The following SPART variants were observed in gnomAD, a reference collection of about 807,000 sequenced individuals.
SPART encodes the protein spartin.
Under a neutral mutation model 58.7 loss-of-function variants are expected in SPART, and 35 were observed. The ratio of observed to expected loss-of-function variants is 0.60; its 90% CI spans 0.46 to 0.79. The LOEUF is 0.79. Ranked by LOEUF, SPART falls within the 30% of genes least tolerant of loss-of-function variation. The probability of loss-of-function intolerance (pLI) is 0.00; values close to 1 mark genes in which losing one functional copy is unlikely to be tolerated. For missense variants in SPART, 730 were observed against 786.1 expected (o/e 0.93, Z 0.85); for synonymous variants, 284 against 280.7 (o/e 1.01, Z -0.12).
intron 4 of SPART, 46 bp from the exon 5 acceptor site, chr13:36,326,744 G>A (rs560368958): frequency 6.2e-7 from 1 of 1,601,730 alleles, no homozygotes; most frequent in South Asian, 1.1e-5. Flanking sequence ...AGTACTAAGA[G>A]GGGGAAAACT....
chr13:36,333,593 C>T (rs762732547), intron 2 of SPART, among the ~76,000 whole-genome samples: 1 of 151,948 alleles, frequency 6.6e-6, no homozygotes, highest in Non-Finnish European at 1.5e-5. Context: ...ACAAAAAATA[C>T]ACATGAGAAA....
intron 1 of SPART, among the ~76,000 whole-genome samples, chr13:36,342,868 T>C (rs1884710320): frequency 6.6e-6 from 1 of 152,220 alleles, no homozygotes; most frequent in African/African-American, 2.4e-5. Flanking sequence ...ATGCCCATTG[T>C]CCAGTTATCA....
chr13:36,357,630 A>T (rs2137709482), intron 1 of SPART, among the ~76,000 whole-genome samples: 1 of 152,360 alleles, frequency 6.6e-6, no homozygotes. Context: ...GTTAAGAATT[A>T]TGCATTATTA....
At chr13:36,361,166 A>C (rs1015865949) in intron 1 of SPART, among the ~76,000 whole-genome samples, 1 of 152,166 alleles carries the variant, frequency 6.6e-6, no homozygotes. Flanking sequence ...TTTTATTGCA[A>C]TCTTCTGAAA....
rs759611560 is a variant in SPART at position 36,304,608 on chromosome 13, A to G, written c.1758T>C (p.Ala586=). 2.5e-6 allele frequency: 4 copies of G among 1,614,040 alleles called. No homozygotes were observed. Among genetic ancestry groups the G allele is most frequent in the Middle Eastern group, 1.7e-4 (1 of 6,058 alleles). Residue 586 remains alanine, a synonymous_variant, in exon 9 of 9, where the codon GCT becomes GCC. Transcript: ENST00000438666. ...RYKYGYNAGE[A]THHAVDSAVN... ...CCGCAGAATCCACCGCATGGTGGGT[A>G]GCTTCTCCTGCATTATATCCGTATC...
intron 1 of SPART, among the ~76,000 whole-genome samples, chr13:36,359,389 A>G (rs1885749986): frequency 6.6e-6 from 1 of 152,192 alleles, no homozygotes; most frequent in African/African-American, 2.4e-5. Context: ...CCAAGAGGTA[A>G]TATACTTTGG....
chr13:36,339,257 T>A (rs916674742), intron 1 of SPART, among the ~76,000 whole-genome samples: 2 of 151,770 alleles, frequency 1.3e-5, no homozygotes, highest in African/African-American at 4.8e-5. Flanking sequence ...TCAAGAAGGA[T>A]GAGGTCATAC....
At chr13:36,348,421 T>C (rs1885279036), upstream of SPART, among the ~76,000 whole-genome samples, 1 of 152,260 alleles carries the variant, frequency 6.6e-6, no homozygotes, top group East Asian at 1.9e-4. Context: ...GTTTAAAACA[T>C]GTAGAATTTC....
At chr13:36,354,121 T>C (rs1885527458) in intron 1 of SPART, among the ~76,000 whole-genome samples, 1 of 152,226 alleles carries the variant, frequency 6.6e-6, no homozygotes, top group Non-Finnish European at 1.5e-5. Context: ...AGAAAACCTA[T>C]GTCATGTTTT....
chr13:36,348,745 C>T (rs1186637060), upstream of SPART, among the ~76,000 whole-genome samples: 1 of 152,182 alleles, frequency 6.6e-6, no homozygotes, highest in Non-Finnish European at 1.5e-5. Context: ...TGAAAGACTT[C>T]ATATTGGGAA....
intron 1 of SPART, among the ~76,000 whole-genome samples, chr13:36,356,891 A>G (rs979113304): frequency 1.3e-5 from 2 of 151,520 alleles, no homozygotes; most frequent in African/African-American, 4.8e-5. Flanking sequence ...AAAATATTTC[A>G]TATGTTATTC....
intron 1 of SPART, among the ~76,000 whole-genome samples, chr13:36,355,967 C>A (rs1464800184): frequency 6.6e-6 from 1 of 152,172 alleles, no homozygotes; most frequent in African/African-American, 2.4e-5. Flanking sequence ...AGAGAATATA[C>A]ACAAATCCTT....
chr13:36,317,483 G>A (rs540195332), intron 5 of SPART, among the ~76,000 whole-genome samples: 49 of 146,352 alleles, frequency 3.3e-4, no homozygotes, highest in Admixed American at 5.5e-4. Flanking sequence ...TTAACTCTGC[G>A]CCCCAATCCT....
At chr13:36,328,459 T>C (rs1883163658) in intron 4 of SPART, among the ~76,000 whole-genome samples, 1 of 152,184 alleles carries the variant, frequency 6.6e-6, no homozygotes, top group Non-Finnish European at 1.5e-5. Flanking sequence ...TTAGTTATAA[T>C]GTCCTGTAGG....
intron 4 of SPART, among the ~76,000 whole-genome samples, chr13:36,327,902 G>T (rs770041468): frequency 2.0e-5 from 3 of 152,278 alleles, no homozygotes. Context: ...GTTGAGACAC[G>T]AGAATTGCTT....
intron 4 of SPART, among the ~76,000 whole-genome samples, chr13:36,328,394 C>T (rs1419237802): frequency 6.6e-6 from 1 of 152,158 alleles, no homozygotes; most frequent in Non-Finnish European, 1.5e-5. Flanking sequence ...TGCCTAGAAT[C>T]CCCTTAAATT....
At chr13:36,310,251 C>T (rs995708002) in intron 8 of SPART, among the ~76,000 whole-genome samples, 4 of 152,090 alleles carry the variant, frequency 2.6e-5, no homozygotes, top group Admixed American at 6.5e-5. Flanking sequence ...TAAATAACCA[C>T]GAGTTGTGAA....
intron 5 of SPART, among the ~76,000 whole-genome samples, chr13:36,324,361 TG>T (rs1336826976): frequency 2.0e-5 from 3 of 152,070 alleles, no homozygotes; most frequent in Non-Finnish European, 4.4e-5. Context: ...CCATGCTAGG[TG>T]GAAGTCCAGC....
In SPART at chr13:36,312,486, A is replaced by T. The variant is rs567483170; in HGVS notation, c.1484-9T>A. 2.2e-5 allele frequency: 36 copies of T among 1,613,750 alleles called. No individual in the cohort carries two copies. In the South Asian group the frequency reaches 3.7e-4, roughly 17 times the overall value. On this transcript the variant is annotated splice_polypyrimidine_tract_variant and intron_variant, in intron 6 of 8. Transcript: ENST00000438666. ...AGTGCAAACTCCATCAACTAATATG[A>T]CCATAAAAAAAGAAAACTTAGGAAA...
Sources: allele counts gnomAD v4.1 joint callset (sites outside exome capture counted in the v4.1 genomes callset), GRCh38; gene constraint gnomAD v4.1.1; transcripts MANE v1.5; gene names NCBI Gene and HGNC (gene_info 2026-07-23, HGNC 2026-07-21).